FABP12: variants seen among roughly 807,000 people sequenced by gnomAD.
FABP12 encodes fatty acid-binding protein 12.
FABP12 carries 19 observed loss-of-function variants against 13.7 expected under a neutral mutation model. That is an observed-to-expected ratio of 1.39 (90% CI 0.97 to 2.04). The LOEUF is 2.04. FABP12 is among the 30% of genes most tolerant of loss of function. The probability of loss-of-function intolerance (pLI) is 0.00; values close to 1 mark genes in which losing one functional copy is unlikely to be tolerated. For missense variants in FABP12, 182 were observed against 164.2 expected (o/e 1.11, Z -0.59); for synonymous variants, 61 against 57.0 (o/e 1.07, Z -0.32).
chr8:81,552,116 C>A (rs1432125141), intron 1 of FABP12, among the ~76,000 whole-genome samples: 1 of 152,116 alleles, frequency 6.6e-6, no homozygotes, highest in Non-Finnish European at 1.5e-5. Flanking sequence ...AACACAGGAG[C>A]AGCTCACCAA....
intron 1 of FABP12, among the ~76,000 whole-genome samples, chr8:81,585,734 G>A (rs1810229583): frequency 2.0e-5 from 3 of 152,034 alleles, no homozygotes; most frequent in Admixed American, 2.0e-4. Context: ...TTTTGTGTGT[G>A]TCCTCTTCAA....
intron 2 of FABP12, 40 bp from the exon 3 acceptor site, chr8:81,529,650 A>G (rs867343730): frequency 6.5e-7 from 1 of 1,540,734 alleles, no homozygotes; most frequent in Non-Finnish European, 8.9e-7. Flanking sequence ...TTTTGCATAA[A>G]GAATTACAAA....
At chr8:81,565,963 A>T (rs1399161452) in intron 1 of FABP12, among the ~76,000 whole-genome samples, 14 of 152,054 alleles carry the variant, frequency 9.2e-5, no homozygotes, top group Admixed American at 9.2e-4. Context: ...CAATAAATAA[A>T]ATCAGAGATA....
intron 1 of FABP12, among the ~76,000 whole-genome samples, chr8:81,550,999 C>T (rs988730939): frequency 2.0e-5 from 3 of 152,104 alleles, no homozygotes; most frequent in Non-Finnish European, 2.9e-5. Flanking sequence ...TAAATAGTAT[C>T]TGAGTTGAAA....
chr8:81,553,386 A>G (rs1809553714), intron 1 of FABP12, among the ~76,000 whole-genome samples: 1 of 152,214 alleles, frequency 6.6e-6, no homozygotes, highest in Non-Finnish European at 1.5e-5. Context: ...AAGATTTTGG[A>G]CACAGTGCTA....
intron 1 of FABP12, among the ~76,000 whole-genome samples, chr8:81,589,716 A>C (rs1559950): frequency 6.6e-6 from 1 of 152,146 alleles, no homozygotes; most frequent in East Asian, 1.9e-4. Flanking sequence ...GGAGCAAAGC[A>C]TCTCTCTCTC....
intron 1 of FABP12, among the ~76,000 whole-genome samples, chr8:81,563,729 A>G (rs958240185): frequency 5.3e-5 from 8 of 152,222 alleles, no homozygotes; most frequent in African/African-American, 1.9e-4. Flanking sequence ...TTGAAAATAC[A>G]CAGTCAACAG....
At chr8:81,548,800 G>T (rs115512961) in intron 1 of FABP12, among the ~76,000 whole-genome samples, 2,587 of 152,238 alleles carry the variant, frequency 0.017, 72 homozygotes, top group African/African-American at 0.057. Flanking sequence ...TGGTGTGGGG[G>T]TGGGGCTGAT....
intron 1 of FABP12, among the ~76,000 whole-genome samples, chr8:81,553,467 TAA>T (rs1211976013): frequency 6.6e-6 from 1 of 152,222 alleles, no homozygotes; most frequent in African/African-American, 2.4e-5. Context: ...CTTGATATGG[TAA>T]AGTCATAGTC....
chr8:81,534,203 A>G (rs1429647884), upstream of FABP12, among the ~76,000 whole-genome samples: 1 of 151,898 alleles, frequency 6.6e-6, no homozygotes, highest in African/African-American at 2.4e-5. Flanking sequence ...TTTACCAATC[A>G]CATGACCCAA....
chr8:81,568,331 T>C (rs1809865800), intron 1 of FABP12, among the ~76,000 whole-genome samples: 1 of 152,134 alleles, frequency 6.6e-6, no homozygotes, highest in African/African-American at 2.4e-5. Flanking sequence ...TGAATAGATA[T>C]TTCTCAAAAG....
intron 1 of FABP12, among the ~76,000 whole-genome samples, chr8:81,543,190 A>G (rs1388020534): frequency 5.3e-5 from 8 of 152,212 alleles, no homozygotes; most frequent in Admixed American, 5.2e-4. Flanking sequence ...GTGATCATAC[A>G]TGTACTTACG....
At chr8:81,541,692 G>A (rs900606809) in intron 1 of FABP12, among the ~76,000 whole-genome samples, 2 of 152,002 alleles carry the variant, frequency 1.3e-5, no homozygotes, top group African/African-American at 4.8e-5. Context: ...CAGTCAACCT[G>A]CCTGGTATTT....
At chr8:81,576,552 G>A (rs1810050719) in intron 1 of FABP12, among the ~76,000 whole-genome samples, 1 of 151,830 alleles carries the variant, frequency 6.6e-6, no homozygotes, top group Non-Finnish European at 1.5e-5. Flanking sequence ...TATATATACT[G>A]TTCTGCACCT....
At chr8:81,565,183 T>C (rs1809794636) in intron 1 of FABP12, among the ~76,000 whole-genome samples, 1 of 152,000 alleles carries the variant, frequency 6.6e-6, no homozygotes, top group African/African-American at 2.4e-5. Context: ...CCCAGATATA[T>C]AGGGCAAATA....
chr8:81,563,505 G>C (rs943891069), intron 1 of FABP12, among the ~76,000 whole-genome samples: 2 of 152,100 alleles, frequency 1.3e-5, no homozygotes, highest in Non-Finnish European at 1.5e-5. Context: ...TAGGTAATAA[G>C]TAATTTTGAG....
chr8:81,588,956 T>A (rs1411630449), intron 1 of FABP12, among the ~76,000 whole-genome samples: 3 of 152,178 alleles, frequency 2.0e-5, no homozygotes, highest in South Asian at 2.1e-4. Flanking sequence ...CCCACTTCAA[T>A]AGGGCATGTT....
chr8:81,585,555 C>T lies in FABP12; in HGVS notation c.-185+4498G>A, dbSNP rs117454460. On this transcript the variant is annotated intron_variant, in intron 1 of 5. Coordinates refer to the FABP12 transcript ENST00000692030. ...GTTCTTTTGGCTTAAAATTGCTCCA[C>T]CTATGAAGGGTCTTTTGTGGTTCCA... Among the ~76,000 whole-genome samples, 34 of 152,208 alleles carry T rather than the reference C, an allele frequency of 2.2e-4. No homozygotes were observed. In the East Asian group the frequency reaches 6.0e-3, roughly 27 times the overall value.
intron 1 of FABP12, among the ~76,000 whole-genome samples, chr8:81,554,290 G>A (rs757746563): frequency 6.6e-6 from 1 of 152,046 alleles, no homozygotes; most frequent in Non-Finnish European, 1.5e-5. Context: ...ACATTGGAAG[G>A]CCTACTATAT....
Sources: allele counts gnomAD v4.1 joint callset (sites outside exome capture counted in the v4.1 genomes callset), GRCh38; gene constraint gnomAD v4.1.1; transcripts MANE v1.5; gene names NCBI Gene and HGNC (gene_info 2026-07-23, HGNC 2026-07-21).